The following MAP4 variants were observed in gnomAD, a reference collection of about 807,000 sequenced individuals.
MAP4 encodes microtubule associated protein 4.
In MAP4, 76 loss-of-function variants were observed where a neutral mutation model predicts 170.2. The observed-to-expected ratio is 0.45, with a 90% confidence interval of 0.37 to 0.54. The LOEUF (loss-of-function observed/expected upper bound fraction) is 0.54, where lower values mean the gene tolerates loss of function less well. Ranked by LOEUF, MAP4 falls within the 20% of genes least tolerant of loss-of-function variation. MAP4 has a pLI of 0.00. For missense variants in MAP4, 2,506 were observed against 2,748.0 expected (o/e 0.91, Z 1.97); for synonymous variants, 909 against 994.5 (o/e 0.91, Z 1.62).
At position 47,909,356 on chromosome 3, in the gene MAP4, T is replaced by C. The variant is rs753759987; in HGVS notation, c.5065A>G (p.Thr1689Ala). 2.5e-6 allele frequency: 4 copies of C among 1,613,996 alleles called. No individual in the cohort carries two copies. Among genetic ancestry groups the C allele is most frequent in the Non-Finnish European group, 3.4e-6 (4 of 1,179,876 alleles). ...ITELESVSLP[T>A]PEIQSDFLHS... ...AAGAAATCTGACTGGATTTCTGGTG[T>C]TGGCAAGGAAACGCTTTCCAATTCC... The change falls in exon 9 of 21, where the codon ACA (threonine) becomes GCA (alanine). Residue 1689 changes from threonine to alanine, a missense_variant. Around this residue, in one of 3 missense-constraint regions of MAP4, gnomAD observed 2,008 missense variants for 2,206.0 expected, o/e 0.91. Transcript: ENST00000683076.
chr3:48,054,495 T>C (rs1037438594), intron 1 of MAP4, among the ~76,000 whole-genome samples: 36 of 151,432 alleles, frequency 2.4e-4, no homozygotes, highest in Non-Finnish European at 4.1e-4. Flanking sequence ...ACAGGTGTGG[T>C]GGCGGGCGCC....
At chr3:47,975,149 A>T in intron 3 of MAP4, 1 of 1,136,566 alleles carries the variant, frequency 8.8e-7, no homozygotes, top group Non-Finnish European at 1.1e-6. Context: ...AATCATAAAG[A>T]AAACAAGAAA....
intron 15 of MAP4, 60 bp downstream of exon 15, chr3:47,870,753 G>A: frequency 3.4e-6 from 5 of 1,473,540 alleles, no homozygotes; most frequent in South Asian, 1.4e-5. Flanking sequence ...AACAGTGGGT[G>A]GAAATGGAGG....
intron 1 of MAP4, among the ~76,000 whole-genome samples, chr3:48,024,992 G>GGACA (rs10530655): frequency 0.096 from 14,558 of 151,472 alleles, 2,353 homozygotes; most frequent in African/African-American, 0.33. Context: ...TCACTCTGGT[G>GGACA]TCCAGGCTCG....
At chr3:47,923,896 C>G (rs1041174291) in intron 4 of MAP4, among the ~76,000 whole-genome samples, 10 of 152,146 alleles carry the variant, frequency 6.6e-5, no homozygotes, top group African/African-American at 2.4e-4. Flanking sequence ...GATAAACATT[C>G]ATTCTTCCCA....
intron 10 of MAP4, chr3:47,891,030 G>A (rs1440915402): frequency 6.7e-6 from 10 of 1,481,786 alleles, no homozygotes; most frequent in South Asian, 2.7e-5. Context: ...ATACCATCAC[G>A]TGGGGGCTTT....
intron 1 of MAP4, among the ~76,000 whole-genome samples, chr3:48,006,663 T>A (rs2100102494): frequency 6.6e-6 from 1 of 152,080 alleles, no homozygotes; most frequent in Admixed American, 6.5e-5. Context: ...AAAAACAATA[T>A]CACATCCCTG....
chr3:47,892,122 GGTGTACCGAGTTCC>G, intron 10 of MAP4: 1 of 1,536,116 alleles, frequency 6.5e-7, no homozygotes, highest in Non-Finnish European at 8.7e-7. Flanking sequence ...GAGGTCTTCT[GGTGTACCGAGTTCC>G]CCTCCAAGGG....
intron 17 of MAP4, among the ~76,000 whole-genome samples, chr3:47,864,110 T>C (rs992207782): frequency 6.6e-6 from 1 of 152,134 alleles, no homozygotes; most frequent in Non-Finnish European, 1.5e-5. Context: ...CCTGAGAAGC[T>C]GGAACCACAG....
At chr3:48,061,184 C>G (rs916141142) in intron 1 of MAP4, among the ~76,000 whole-genome samples, 1 of 149,182 alleles carries the variant, frequency 6.7e-6, no homozygotes, top group Non-Finnish European at 1.5e-5. Flanking sequence ...ATGAACACCT[C>G]CCCCTCCCCC....
chr3:47,862,762 C>A (rs1057328447), intron 17 of MAP4, among the ~76,000 whole-genome samples: 1 of 152,148 alleles, frequency 6.6e-6, no homozygotes, highest in Non-Finnish European at 1.5e-5. Context: ...CAGGTGTGAG[C>A]CACCGCGCCC....
intron 1 of MAP4, among the ~76,000 whole-genome samples, chr3:48,061,998 G>A (rs958814174): frequency 6.6e-6 from 1 of 152,202 alleles, no homozygotes; most frequent in Non-Finnish European, 1.5e-5. Context: ...TCTGGGAGGT[G>A]TACCCAACAG....
chr3:48,062,509 A>C (rs1272344546), intron 1 of MAP4, among the ~76,000 whole-genome samples: 3 of 150,394 alleles, frequency 2.0e-5, no homozygotes, highest in South Asian at 2.1e-4. Flanking sequence ...AAAAAAAAAA[A>C]AAAAAAAACA....
In MAP4 at chr3:47,851,258, T is replaced by C. The variant is rs909518544; in HGVS notation, c.*1676A>G. The C allele has an allele frequency of 2.0e-5, 3 of 152,274 alleles. No homozygotes were observed. The highest frequency in any genetic ancestry group is 7.2e-5 in the African/African-American group (3 of 41,422). 9.4% of individuals were successfully genotyped at this position (152,274 alleles called of 1,614,324 possible). ...CACTTCCTCCGTGAGCCCCTGCAGT[T>C]TCCTGGTGTGTGCTTGGGGAGCTAG... On this transcript the variant is annotated 3_prime_UTR_variant, in exon 21 of 21. Transcript: ENST00000683076.
intron 4 of MAP4, among the ~76,000 whole-genome samples, chr3:47,922,861 A>C (rs1476745006): frequency 1.3e-5 from 2 of 152,148 alleles, no homozygotes; most frequent in Non-Finnish European, 2.9e-5. Flanking sequence ...CATCCTGGCT[A>C]ATAGAGTGAA....
chr3:47,910,611 A>G lies in MAP4; in HGVS notation c.3810T>C (p.Ser1270=), dbSNP rs2100035498. The G allele has an allele frequency of 6.5e-7, 1 of 1,536,018 alleles. No individual in the cohort carries two copies. The highest frequency in any genetic ancestry group is 2.0e-5 in the Admixed American group (1 of 50,984). ...GTGTATCTGGTGTATGTGAGAACGA[A>G]GAATCATGCATTTTGGGGAAAGTAA... ...IGFTFPKMHD[S]SFSHTPDTPT... Residue 1270 remains serine (S), a synonymous_variant, in exon 9 of 21, where the codon TCT becomes TCC. Transcript: ENST00000683076.
chr3:47,889,676 CA>C (rs2098238870), intron 10 of MAP4, among the ~76,000 whole-genome samples: 1 of 152,140 alleles, frequency 6.6e-6, no homozygotes, highest in Non-Finnish European at 1.5e-5. Flanking sequence ...TGTTCTGAAA[CA>C]AAGTCTTCAC....
intron 1 of MAP4, among the ~76,000 whole-genome samples, chr3:48,000,963 T>C (rs766413688): frequency 2.6e-5 from 4 of 152,228 alleles, no homozygotes; most frequent in Non-Finnish European, 5.9e-5. Flanking sequence ...CCCACTTACA[T>C]GCTGTGAGGC....
chr3:48,070,910 A>G (rs2100140681), intron 1 of MAP4, among the ~76,000 whole-genome samples: 1 of 151,500 alleles, frequency 6.6e-6, no homozygotes, highest in Admixed American at 6.6e-5. Context: ...CTGTAGTCCT[A>G]TCAACTTGGT....
Sources: gnomAD v4.1 joint callset for allele counts (sites outside exome capture counted in the v4.1 genomes callset) on GRCh38, gnomAD v4.1.1 for gene constraint, gnomAD v4.1.1 regional missense constraint, MANE v1.5 for transcripts, NCBI Gene and HGNC (gene_info 2026-07-23, HGNC 2026-07-21) for gene names.